Variants in LAMA2 observed in about 807,000 individuals in gnomAD.
LAMA2 encodes laminin subunit alpha 2.
Under a neutral mutation model 364.8 loss-of-function variants are expected in LAMA2, and 269 were observed. The ratio of observed to expected loss-of-function variants is 0.74; its 90% CI spans 0.67 to 0.82. The LOEUF is 0.82. Among genes scored for constraint, LAMA2 ranks in the 40% least tolerant of loss-of-function variants. The pLI is 0.00. For missense variants in LAMA2, 3,807 were observed against 3,873.2 expected, an observed-to-expected ratio of 0.98 and a Z score of 0.45; for synonymous variants, 1,379 against 1,370.6, an observed-to-expected ratio of 1.01 and a Z score of -0.14.
chr6:129,107,033 G>A (rs935115296), intron 4 of LAMA2, among the ~76,000 whole-genome samples: 2 of 151,986 alleles, frequency 1.3e-5, no homozygotes, highest in African/African-American at 4.8e-5. Context: ...TCAGTGTTGT[G>A]GAACAGGATC....
At chr6:129,255,405 CAAAAAAAA>C (rs5879934) in intron 14 of LAMA2, among the ~76,000 whole-genome samples, 5 of 33,812 alleles carry the variant, frequency 1.5e-4, no homozygotes, top group Admixed American at 5.2e-4. Flanking sequence ...GACTCTGTCT[CAAAAAAAA>C]AAAAAAAAAA....
intron 35 of LAMA2, among the ~76,000 whole-genome samples, chr6:129,386,210 T>C (rs1431545652): frequency 1.3e-5 from 2 of 152,140 alleles, no homozygotes; most frequent in Non-Finnish European, 2.9e-5. Flanking sequence ...TCTTTTACAA[T>C]CATTTTCAAT....
chr6:129,411,114 G>A (rs946051784), intron 40 of LAMA2, among the ~76,000 whole-genome samples: 7 of 152,118 alleles, frequency 4.6e-5, no homozygotes, highest in Non-Finnish European at 7.3e-5. Flanking sequence ...GACACACCCG[G>A]AAATAATGTT....
intron 14 of LAMA2, 57 bp downstream of exon 14, chr6:129,252,352 A>C (rs1226806214): frequency 7.4e-7 from 1 of 1,353,738 alleles, no homozygotes; most frequent in Non-Finnish European, 1.1e-6. Flanking sequence ...GCCAAGGTGC[A>C]GGAGCCGCCC....
chr6:128,962,510 T>C (rs1781600014), intron 1 of LAMA2, among the ~76,000 whole-genome samples: 1 of 152,010 alleles, frequency 6.6e-6, no homozygotes, highest in Non-Finnish European at 1.5e-5. Flanking sequence ...TACTTATGAG[T>C]TGTTCTTCAT....
intron 1 of LAMA2, among the ~76,000 whole-genome samples, chr6:128,909,730 C>A (rs1332238083): frequency 2.6e-5 from 4 of 151,782 alleles, no homozygotes; most frequent in African/African-American, 9.7e-5. Context: ...TCTTCCTAGT[C>A]TCGATGGTCT....
At chr6:128,895,967 G>A (rs544770652) in intron 1 of LAMA2, among the ~76,000 whole-genome samples, 2 of 152,170 alleles carry the variant, frequency 1.3e-5, no homozygotes, top group East Asian at 1.9e-4. Context: ...TGATGGATCT[G>A]GTTTCTTTTT....
intron 29 of LAMA2, among the ~76,000 whole-genome samples, chr6:129,336,569 C>T (rs531249016): frequency 7.1e-4 from 108 of 152,260 alleles, no homozygotes; most frequent in Non-Finnish European, 1.3e-3. Flanking sequence ...AAGATTATTT[C>T]TTCTTTTATT....
At chr6:129,363,538 G>T (rs1204980382) in intron 32 of LAMA2, among the ~76,000 whole-genome samples, 1 of 152,188 alleles carries the variant, frequency 6.6e-6, no homozygotes, top group African/African-American at 2.4e-5. Flanking sequence ...CTGGGGTAGA[G>T]CCCGATTATA....
At chr6:129,164,998 A>G (rs1198217691) in intron 8 of LAMA2, among the ~76,000 whole-genome samples, 1 of 152,178 alleles carries the variant, frequency 6.6e-6, no homozygotes, top group Non-Finnish European at 1.5e-5. Flanking sequence ...AATGTATCTT[A>G]AACAAATGAT....
At chr6:129,263,976 T>C (rs1000373728) in intron 15 of LAMA2, among the ~76,000 whole-genome samples, 1 of 152,118 alleles carries the variant, frequency 6.6e-6, no homozygotes, top group African/African-American at 2.4e-5. Flanking sequence ...ACTCCTGAGC[T>C]CAAGCAATCC....
At chr6:129,232,332 A>G (rs1342891487) in intron 12 of LAMA2, among the ~76,000 whole-genome samples, 1 of 152,142 alleles carries the variant, frequency 6.6e-6, no homozygotes, top group Non-Finnish European at 1.5e-5. Flanking sequence ...TATTCTTATT[A>G]TAGCAGTGTC....
intron 29 of LAMA2, among the ~76,000 whole-genome samples, chr6:129,337,424 A>G (rs1489208510): frequency 6.6e-6 from 1 of 152,194 alleles, no homozygotes; most frequent in Non-Finnish European, 1.5e-5. Flanking sequence ...GACCTTCCCT[A>G]GGAAAAGGGA....
At chr6:129,472,309 T>C (rs1156545353) in intron 51 of LAMA2, among the ~76,000 whole-genome samples, 1 of 151,946 alleles carries the variant, frequency 6.6e-6, no homozygotes, top group Non-Finnish European at 1.5e-5. Context: ...GACAAAGGTT[T>C]AGAGGCCAAA....
At chr6:129,460,808 T>G (rs904514631) in intron 49 of LAMA2, among the ~76,000 whole-genome samples, 1 of 151,908 alleles carries the variant, frequency 6.6e-6, no homozygotes, top group Admixed American at 6.6e-5. Context: ...TTTTTTTTAA[T>G]TGACACATAG....
At chr6:129,049,808 T>C in intron 1 of LAMA2, 110 bp from the exon 2 acceptor site, 1 of 858,554 alleles carries the variant, frequency 1.2e-6, no homozygotes, top group Non-Finnish European at 2.0e-6. Flanking sequence ...TATCTCATGT[T>C]GGGTTACTTT....
At chr6:129,204,497 A>G (rs1276661771) in intron 12 of LAMA2, among the ~76,000 whole-genome samples, 1 of 152,020 alleles carries the variant, frequency 6.6e-6, no homozygotes, top group Non-Finnish European at 1.5e-5. Context: ...AAAAAGGACA[A>G]TTTGGAGATA....
chr6:129,443,192 C>G (rs1782205065), intron 44 of LAMA2, 124 bp downstream of exon 44: 1 of 657,782 alleles, frequency 1.5e-6, no homozygotes, highest in African/African-American at 1.9e-5. Context: ...GCTATTCTTT[C>G]CACTGTTACA....
intron 35 of LAMA2, among the ~76,000 whole-genome samples, chr6:129,385,563 A>G (rs551620922): frequency 2.6e-5 from 4 of 152,310 alleles, no homozygotes; most frequent in Middle Eastern, 3.4e-3. Flanking sequence ...TAGATGTACT[A>G]TTCATCCTAT....
Sources: allele counts gnomAD v4.1 joint callset (sites outside exome capture counted in the v4.1 genomes callset), GRCh38; gene constraint gnomAD v4.1.1; transcripts MANE v1.5; gene names NCBI Gene and HGNC (gene_info 2026-07-23, HGNC 2026-07-21).